CCBE1: variants seen among roughly 807,000 people sequenced by gnomAD.
CCBE1 encodes collagen and calcium binding EGF domains 1.
A neutral mutation model predicts 50.0 loss-of-function variants in CCBE1; 37 were observed. The ratio of observed to expected loss-of-function variants is 0.74; its 90% CI spans 0.57 to 0.97. The LOEUF is 0.97. Among genes scored for constraint, CCBE1 ranks in the 50% least tolerant of loss-of-function variants. The probability of loss-of-function intolerance (pLI) is 0.00; values close to 1 mark genes in which losing one functional copy is unlikely to be tolerated. For synonymous variants in CCBE1, 234 were observed against 203.7 expected (o/e 1.15, Z -1.27); for missense variants, 538 against 523.8 (o/e 1.03, Z -0.26).
At chr18:59,626,050 A>G (rs917186466) in intron 2 of CCBE1, among the ~76,000 whole-genome samples, 1 of 152,234 alleles carries the variant, frequency 6.6e-6, no homozygotes, top group Admixed American at 6.5e-5. Flanking sequence ...AGACAGTAAC[A>G]TAAGAAAATC....
At chr18:59,618,468 T>C (rs1445260916) in intron 2 of CCBE1, among the ~76,000 whole-genome samples, 1 of 149,652 alleles carries the variant, frequency 6.7e-6, no homozygotes. Context: ...AGAGTCTAGC[T>C]CTATCGCCCA....
intron 2 of CCBE1, among the ~76,000 whole-genome samples, chr18:59,590,889 A>C (rs1317052107): frequency 6.6e-6 from 1 of 152,208 alleles, no homozygotes; most frequent in Non-Finnish European, 1.5e-5. Flanking sequence ...TGTAAGTGTG[A>C]AAATTTAAAC....
intron 2 of CCBE1, among the ~76,000 whole-genome samples, chr18:59,673,799 A>C (rs2054465002): frequency 6.6e-6 from 1 of 152,178 alleles, no homozygotes; most frequent in Non-Finnish European, 1.5e-5. Context: ...AGCCAACTTG[A>C]TCGTGGTAGA....
At chr18:59,591,245 C>CAAAAAAA (rs58325003) in intron 2 of CCBE1, among the ~76,000 whole-genome samples, 3 of 2,118 alleles carry the variant, frequency 1.4e-3, no homozygotes, top group Non-Finnish European at 2.0e-3. Flanking sequence ...GACTCCGTCT[C>CAAAAAAA]AAAAAAAAAA....
intron 2 of CCBE1, among the ~76,000 whole-genome samples, chr18:59,531,562 A>G (rs1218458430): frequency 6.6e-6 from 1 of 152,276 alleles, no homozygotes; most frequent in African/African-American, 2.4e-5. Flanking sequence ...AGCCTGGGCA[A>G]CACAGCGAGA....
chr18:59,540,016 T>C (rs1915408325), intron 2 of CCBE1, among the ~76,000 whole-genome samples: 1 of 152,216 alleles, frequency 6.6e-6, no homozygotes, highest in Admixed American at 6.5e-5. Context: ...TTGATGAATT[T>C]AGTTGACTTG....
intron 3 of CCBE1, among the ~76,000 whole-genome samples, chr18:59,473,589 T>C (rs1598931760): frequency 6.6e-6 from 1 of 151,984 alleles, no homozygotes; most frequent in African/African-American, 2.4e-5. Context: ...TTTTTCCCTA[T>C]TGTTAATTTC....
chr18:59,694,110 C>T (rs57148338), intron 2 of CCBE1, among the ~76,000 whole-genome samples: 7,980 of 151,820 alleles, frequency 0.053, 689 homozygotes, highest in African/African-American at 0.18. Context: ...GACCTCATGA[C>T]CCACCCACCT....
At chr18:59,646,413 C>G (rs2054055858) in intron 2 of CCBE1, among the ~76,000 whole-genome samples, 1 of 152,156 alleles carries the variant, frequency 6.6e-6, no homozygotes, top group Non-Finnish European at 1.5e-5. Context: ...TGGCCCAGAA[C>G]TAGCTTCTAA....
chr18:59,454,994 G>A (rs1246645909), intron 5 of CCBE1, 43 bp from the exon 6 acceptor site: 1 of 1,500,658 alleles, frequency 6.7e-7, no homozygotes, highest in Non-Finnish European at 9.3e-7. Context: ...GAGGCTGGAT[G>A]CAAGCCAGAC....
In CCBE1 at chr18:59,521,366, G is replaced by C. The variant is rs375058040; in HGVS notation, c.213-41128C>G. Among the ~76,000 whole-genome samples the C allele has an allele frequency of 1.2e-4, 19 of 152,282 alleles. No individual in the cohort carries two copies. In the East Asian group the frequency reaches 3.7e-3, roughly 29 times the overall value. The stretch of plus-strand genomic sequence containing the variant: ...TTGGTTGTGGTGACAATAAAGAAAT[G>C]TATCCATGAGTTACGTGGATTGCAG... On this transcript the variant is annotated intron_variant, in intron 2 of 10. Coordinates refer to ENST00000439986, the MANE Select transcript of CCBE1 (RefSeq NM_133459.4).
chr18:59,443,149 G>A (rs1291688080), intron 7 of CCBE1, among the ~76,000 whole-genome samples: 1 of 152,242 alleles, frequency 6.6e-6, no homozygotes, highest in Non-Finnish European at 1.5e-5. Flanking sequence ...AGCTGATGGG[G>A]AAGAGACCTT....
At chr18:59,613,749 T>A (rs1454135538) in intron 2 of CCBE1, among the ~76,000 whole-genome samples, 1 of 151,804 alleles carries the variant, frequency 6.6e-6, no homozygotes, top group Non-Finnish European at 1.5e-5. Flanking sequence ...AAAAAAAAAT[T>A]AGAAGATATC....
chr18:59,520,900 A>G (rs1021483233), intron 2 of CCBE1, among the ~76,000 whole-genome samples: 6 of 152,252 alleles, frequency 3.9e-5, no homozygotes, highest in Non-Finnish European at 7.3e-5. Context: ...GCAGCAGTGG[A>G]TGTAATTGGG....
chr18:59,487,046 A>C (rs1049760443), intron 2 of CCBE1, among the ~76,000 whole-genome samples: 1 of 150,772 alleles, frequency 6.6e-6, no homozygotes, highest in African/African-American at 2.4e-5. Flanking sequence ...AGAAGTCCCA[A>C]ATGTTTTTAA....
chr18:59,564,276 T>C (rs2052784625), intron 2 of CCBE1, among the ~76,000 whole-genome samples: 1 of 152,266 alleles, frequency 6.6e-6, no homozygotes, highest in Admixed American at 6.5e-5. Context: ...TCTTTAATCC[T>C]ATCTAGACAA....
At chr18:59,467,345 G>C (rs1410415772) in intron 4 of CCBE1, among the ~76,000 whole-genome samples, 1 of 152,188 alleles carries the variant, frequency 6.6e-6, no homozygotes. Context: ...TTATGGTATA[G>C]GTTCCAAACA....
At chr18:59,652,725 G>A (rs913509220) in intron 2 of CCBE1, among the ~76,000 whole-genome samples, 9 of 152,216 alleles carry the variant, frequency 5.9e-5, no homozygotes, top group South Asian at 2.1e-4. Context: ...AGCACTTCGG[G>A]AGGCCGAGGC....
chr18:59,621,139 C>T (rs77971979), intron 2 of CCBE1, among the ~76,000 whole-genome samples: 3,430 of 152,332 alleles, frequency 0.023, 132 homozygotes, highest in African/African-American at 0.079. Context: ...GAGCATGTGA[C>T]TGGGGCCCCA....
Sources: gnomAD v4.1 joint callset for allele counts (sites outside exome capture counted in the v4.1 genomes callset) on GRCh38, gnomAD v4.1.1 for gene constraint, MANE v1.5 for transcripts, NCBI Gene and HGNC (gene_info 2026-07-23, HGNC 2026-07-21) for gene names.